TBC1D5: variants seen among roughly 807,000 people sequenced by gnomAD.
TBC1D5 encodes the protein TBC1 domain family, member 5.
Under a neutral mutation model 100.3 loss-of-function variants are expected in TBC1D5, and 75 were observed. The observed-to-expected ratio is 0.75, with a 90% confidence interval of 0.62 to 0.91. The LOEUF (loss-of-function observed/expected upper bound fraction) is 0.91, where lower values mean the gene tolerates loss of function less well. Among genes scored for constraint, TBC1D5 ranks in the 40% least tolerant of loss-of-function variants. TBC1D5 has a pLI of 0.00. For missense variants in TBC1D5, 910 were observed against 942.4 expected, an observed-to-expected ratio of 0.97 and a Z score of 0.45; for synonymous variants, 323 against 325.6, an observed-to-expected ratio of 0.99 and a Z score of 0.09.
At chr3:17,506,438 A>T (rs901628002) in intron 3 of TBC1D5, among the ~76,000 whole-genome samples, 1 of 152,198 alleles carries the variant, frequency 6.6e-6, no homozygotes, top group Non-Finnish European at 1.5e-5. Flanking sequence ...CAGCTGTTTT[A>T]GAGCATACAG....
At chr3:17,362,935 A>G (rs902417943) in intron 13 of TBC1D5, among the ~76,000 whole-genome samples, 4 of 152,162 alleles carry the variant, frequency 2.6e-5, no homozygotes, top group African/African-American at 7.2e-5. Context: ...TTCCATTACC[A>G]TAAAGATCCT....
intron 18 of TBC1D5, among the ~76,000 whole-genome samples, chr3:17,187,644 A>T (rs1354606129): frequency 6.6e-6 from 1 of 152,232 alleles, no homozygotes; most frequent in Non-Finnish European, 1.5e-5. Context: ...TGAAAACAAC[A>T]CTAACTTAGC....
rs141719731 is a variant in TBC1D5 at position 17,578,048 on chromosome 3, T to C, written c.-36+45801A>G. Reference sequence around the variant, plus strand: ...AATAAACAGGAAACCCATTGTAATCTCTGGTACTTAGTTTATATGAAGGTA... The same window carrying C: ...AATAAACAGGAAACCCATTGTAATCCCTGGTACTTAGTTTATATGAAGGTA... On this transcript the variant is annotated intron_variant, in intron 2 of 21. Coordinates refer to ENST00000253692, the Ensembl canonical transcript of TBC1D5. 1.5e-3 allele frequency among the ~76,000 whole-genome samples: 226 copies of C among 152,150 alleles called. 2 individuals carry two copies. The highest frequency in any genetic ancestry group is 0.013 in the Admixed American group (206 of 15,272).
At chr3:17,671,151 C>T (rs2067888422) in intron 1 of TBC1D5, among the ~76,000 whole-genome samples, 1 of 152,176 alleles carries the variant, frequency 6.6e-6, no homozygotes, top group African/African-American at 2.4e-5. Context: ...ATAAAACACA[C>T]AATAAGAATA....
intron 3 of TBC1D5, among the ~76,000 whole-genome samples, chr3:17,470,226 G>T (rs1481201313): frequency 1.3e-5 from 2 of 152,116 alleles, no homozygotes; most frequent in Non-Finnish European, 2.9e-5. Context: ...GGCTAACAAA[G>T]CTATTTTCTT....
At chr3:17,257,757 T>C (rs1313468884) in intron 16 of TBC1D5, among the ~76,000 whole-genome samples, 2 of 152,196 alleles carry the variant, frequency 1.3e-5, no homozygotes, top group African/African-American at 4.8e-5. Flanking sequence ...TCCATAAATG[T>C]ATATTTAGGC....
intron 3 of TBC1D5, among the ~76,000 whole-genome samples, chr3:17,493,334 G>T (rs1046095784): frequency 2.0e-5 from 3 of 150,484 alleles, no homozygotes; most frequent in Non-Finnish European, 4.4e-5. Context: ...GTTTCCCTTT[G>T]TAGGTGACCT....
intron 13 of TBC1D5, among the ~76,000 whole-genome samples, chr3:17,362,149 A>ATT (rs982393093): frequency 2.0e-5 from 3 of 152,202 alleles, no homozygotes; most frequent in Non-Finnish European, 4.4e-5. Flanking sequence ...TTAAGCCAAA[A>ATT]TAAATCATAG....
chr3:17,716,521 A>C (rs2075254512), intron 1 of TBC1D5, among the ~76,000 whole-genome samples: 1 of 152,194 alleles, frequency 6.6e-6, no homozygotes, highest in Non-Finnish European at 1.5e-5. Context: ...TTTTCAAGAC[A>C]AATGCAACTA....
chr3:17,643,932 G>T (rs2064777893), intron 1 of TBC1D5: 1 of 152,096 alleles, frequency 6.6e-6, no homozygotes, highest in South Asian at 2.1e-4. Context: ...AGGCTAAGGG[G>T]TAAGCATTCC....
At chr3:17,213,091 T>C (rs1373404025) in intron 18 of TBC1D5, among the ~76,000 whole-genome samples, 12 of 152,216 alleles carry the variant, frequency 7.9e-5, no homozygotes, top group Admixed American at 7.2e-4. Context: ...TTTTTTTTCC[T>C]GTATACCTTA....
chr3:17,728,789 G>A (rs1404423190), intron 1 of TBC1D5, among the ~76,000 whole-genome samples: 1 of 151,916 alleles, frequency 6.6e-6, no homozygotes, highest in African/African-American at 2.4e-5. Context: ...CATCAATTAA[G>A]TGTTAACAGT....
exon 7 of TBC1D5, chr3:17,404,712 A>G: frequency 6.2e-7 from 1 of 1,606,194 alleles, no homozygotes; most frequent in East Asian, 2.2e-5. Flanking sequence ...CCTGTGAAAG[A>G]GGATTATTGA....
intron 17 of TBC1D5, among the ~76,000 whole-genome samples, chr3:17,230,792 T>C (rs143613649): frequency 6.6e-6 from 1 of 152,236 alleles, no homozygotes; most frequent in African/African-American, 2.4e-5. Context: ...TCTCTCAGTA[T>C]CCATGGGAGA....
At chr3:17,721,623 G>C (rs1484059389) in intron 1 of TBC1D5, among the ~76,000 whole-genome samples, 1 of 152,112 alleles carries the variant, frequency 6.6e-6, no homozygotes, top group East Asian at 1.9e-4. Flanking sequence ...AGTGAACCGA[G>C]ATTGTGCCAC....
intron 13 of TBC1D5, among the ~76,000 whole-genome samples, chr3:17,331,086 A>C (rs1470676655): frequency 6.6e-6 from 1 of 152,034 alleles, no homozygotes; most frequent in Non-Finnish European, 1.5e-5. Context: ...CTACACCCTT[A>C]ATGTGTCCCT....
intron 14 of TBC1D5, among the ~76,000 whole-genome samples, chr3:17,307,414 G>A (rs570753300): frequency 1.3e-5 from 2 of 152,240 alleles, no homozygotes; most frequent in South Asian, 2.1e-4. Context: ...CAGACTATTC[G>A]AAAGGGCTAG....
At chr3:17,257,203 A>ATT (rs2077792210) in intron 16 of TBC1D5, among the ~76,000 whole-genome samples, 7 of 152,178 alleles carry the variant, frequency 4.6e-5, no homozygotes, top group African/African-American at 1.7e-4. Context: ...GGGGAAGACA[A>ATT]AGGATTCCAG....
intron 1 of TBC1D5, among the ~76,000 whole-genome samples, chr3:17,668,519 C>T (rs1161948987): frequency 6.6e-6 from 1 of 152,068 alleles, no homozygotes; most frequent in Non-Finnish European, 1.5e-5. Flanking sequence ...AGTCTGTTAA[C>T]TACCCTAAAG....
Sources: gnomAD v4.1 joint callset for allele counts (sites outside exome capture counted in the v4.1 genomes callset) on GRCh38, gnomAD v4.1.1 for gene constraint, MANE v1.5 for transcripts, NCBI Gene and HGNC (gene_info 2026-07-23, HGNC 2026-07-21) for gene names.